SHPRH: variants seen among roughly 807,000 people sequenced by gnomAD.
SHPRH encodes E3 ubiquitin-protein ligase SHPRH.
In SHPRH, 106 loss-of-function variants were observed where a neutral mutation model predicts 202.5. The ratio of observed to expected loss-of-function variants is 0.52; its 90% CI spans 0.45 to 0.62. The LOEUF is 0.62. SHPRH is among the 20% of genes least tolerant of loss of function. The pLI is 0.00. For missense variants in SHPRH, 1,710 were observed against 2,020.0 expected (o/e 0.85, Z 2.94); for synonymous variants, 729 against 686.0 (o/e 1.06, Z -0.98).
At chr6:145,948,428 T>TG (rs1787624218) in intron 4 of SHPRH, 78 bp from the exon 5 acceptor site, 1 of 1,116,186 alleles carries the variant, frequency 9.0e-7, no homozygotes, top group Non-Finnish European at 1.3e-6. Flanking sequence ...AAGAATAGGT[T>TG]AACAGTGAGG....
chr6:145,886,110 G>A lies in SHPRH; in HGVS notation c.*581C>T. The A allele has an allele frequency of 5.3e-6, 1 of 187,864 alleles. No individual in the cohort carries two copies. The highest frequency in any genetic ancestry group is 1.1e-5 in the Non-Finnish European group (1 of 90,834). 11.6% of individuals were successfully genotyped at this position (187,864 alleles called of 1,614,324 possible). A position where few individuals can be genotyped will look rare whatever the true frequency, so the allele number is the denominator to read the frequency against. On this transcript the variant is annotated 3_prime_UTR_variant, in exon 30 of 30. Coordinates refer to ENST00000275233, the MANE Select transcript of SHPRH (RefSeq NM_001042683.3). ...TTTTTGTTTTCAGTAGCAAGATGCA[G>A]AAGAAACAAATAACTGTCTAACATT...
At position 145,884,923 on chromosome 6, in the gene SHPRH, G is replaced by A. The variant is rs1420792340; in HGVS notation, c.*1768C>T. 6.6e-6 allele frequency: 1 copy of A among 152,032 alleles called. No homozygotes were observed. Among genetic ancestry groups the A allele is most frequent in the African/African-American group, 2.4e-5 (1 of 41,414 alleles). The allele number at this position is 152,032 out of a possible 1,614,324, so 9.4% of individuals were successfully genotyped here. A position where few individuals can be genotyped will look rare whatever the true frequency, so the allele number is the denominator to read the frequency against. On this transcript the variant is annotated 3_prime_UTR_variant, in exon 30 of 30. Coordinates refer to ENST00000275233, the MANE Select transcript of SHPRH (RefSeq NM_001042683.3). ...ATATGTAATTTGATTTTACAAAATT[G>A]AAGCATATCAAATTGTTTTCTCTAA...
Position 145,943,477 on chromosome 6 carries a change from G to A in SHPRH, c.1904C>T (p.Ser635Phe), listed in dbSNP as rs1477040952. The A allele has an allele frequency of 3.1e-6, 5 of 1,613,858 alleles. No individual in the cohort carries two copies. Among genetic ancestry groups the A allele is most frequent in the Non-Finnish European group, 4.2e-6 (5 of 1,179,946 alleles). Residue 635 changes from serine (S) to phenylalanine (F), a missense_variant, in exon 9 of 30, where the codon TCT becomes TTT. Transcript: ENST00000275233. ...QEHETEDCAESLNHADSDVPP... is the reference protein window; with the variant it reads ...QEHETEDCAEFLNHADSDVPP... ...TACATCACTATCAGCATGATTTAGAGATTCAGCACAGTCCTCTGTTTCATG... is the reference window on the plus strand; with the variant it reads ...TACATCACTATCAGCATGATTTAGAAATTCAGCACAGTCCTCTGTTTCATG...
chr6:145,920,567 C>T (rs985448982), intron 21 of SHPRH, among the ~76,000 whole-genome samples: 2 of 88,894 alleles, frequency 2.2e-5, no homozygotes, highest in African/African-American at 1.0e-4. Flanking sequence ...ATAAAAATGT[C>T]ATTATAAAAA....
At chr6:145,904,997 A>C (rs1782829462) in intron 25 of SHPRH, 1 of 152,114 alleles carries the variant, frequency 6.6e-6, no homozygotes, top group Non-Finnish European at 1.5e-5. Flanking sequence ...TAAAATGAAC[A>C]GGTGTTTGGA....
chr6:145,955,961 A>T (rs1294229693), intron 1 of SHPRH, among the ~76,000 whole-genome samples: 1 of 152,132 alleles, frequency 6.6e-6, no homozygotes, highest in Non-Finnish European at 1.5e-5. Flanking sequence ...TAGATATACA[A>T]GTGACTCCTA....
chr6:145,909,576 G>A (rs928281917), intron 25 of SHPRH: 4 of 152,092 alleles, frequency 2.6e-5, no homozygotes, highest in Non-Finnish European at 4.4e-5. Context: ...ATTTCAACTT[G>A]TAGCTGATTC....
intron 13 of SHPRH, 103 bp from the exon 14 acceptor site, chr6:145,933,281 G>T: frequency 6.7e-7 from 1 of 1,488,344 alleles, no homozygotes; most frequent in Non-Finnish European, 9.0e-7. Flanking sequence ...GAGACTCGCA[G>T]TTTTTGTGGT....
rs1465505870 is a variant in SHPRH at position 145,926,973 on chromosome 6, G to A, written c.3201+216C>T. Among the ~76,000 whole-genome samples the A allele has an allele frequency of 2.0e-5, 3 of 151,862 alleles. No individual in the cohort carries two copies. The East Asian group carries it at 5.8e-4, about 29-fold the overall frequency. On this transcript the variant is annotated intron_variant, in intron 15 of 29. Coordinates refer to ENST00000275233, the MANE Select transcript of SHPRH (RefSeq NM_001042683.3). ...TAGCTTATATAGACTTACCTTGTCAGGCTTGTGCCCAAAACTTCCCTGAAT... is the reference window on the plus strand; with the variant it reads ...TAGCTTATATAGACTTACCTTGTCAAGCTTGTGCCCAAAACTTCCCTGAAT...
Position 145,945,559 on chromosome 6 carries a change from T to A in SHPRH, c.1400A>T (p.Tyr467Phe). ...ATCGTATCTATATATAGAACTGACA[T>A]ACTTATAGATGGAAAGGATGGACAC... Reference protein sequence around the residue: ...KGVSILSIYKYVSSIYRYDVQ... With the variant: ...KGVSILSIYKFVSSIYRYDVQ... Residue 467 changes from tyrosine to phenylalanine, a missense_variant, in exon 8 of 30, where the codon TAT becomes TTT. Physicochemically the swap from Tyr to Phe is conservative, Grantham distance 22 (BLOSUM62 3). This residue lies in a region of SHPRH where 348 missense variants were observed against 356.9 expected (regional missense o/e 0.97). Transcript: ENST00000275233. 1 of 1,613,050 alleles carries A rather than the reference T, an allele frequency of 6.2e-7. No individual in the cohort carries two copies. The highest frequency in any genetic ancestry group is 8.5e-7 in the Non-Finnish European group (1 of 1,179,502).
chr6:145,939,719 A>G (rs1409806297), intron 11 of SHPRH, among the ~76,000 whole-genome samples: 1 of 152,180 alleles, frequency 6.6e-6, no homozygotes, highest in African/African-American at 2.4e-5. Flanking sequence ...TATTCTATAA[A>G]TATGTATCTA....
intron 1 of SHPRH, among the ~76,000 whole-genome samples, chr6:145,960,898 A>T (rs1789021289): frequency 6.6e-6 from 1 of 152,108 alleles, no homozygotes; most frequent in Non-Finnish European, 1.5e-5. Flanking sequence ...GGGGTTGTTT[A>T]GGGATGAAAC....
chr6:145,878,215 C>A (rs1780391091), intron 2 of SHPRH, among the ~76,000 whole-genome samples: 1 of 152,170 alleles, frequency 6.6e-6, no homozygotes, highest in African/African-American at 2.4e-5. Context: ...TTCTCATATA[C>A]CCCTGCCTCC....
Position 145,885,849 on chromosome 6 carries a change from T to C in SHPRH, c.*842A>G, listed in dbSNP as rs1227961941. 6.6e-6 allele frequency: 1 copy of C among 151,092 alleles called. No individual in the cohort carries two copies. Among genetic ancestry groups the C allele is most frequent in the Non-Finnish European group, 1.5e-5 (1 of 67,790 alleles). The allele number at this position is 151,092 out of a possible 1,614,324, so 9.4% of individuals were successfully genotyped here. A position where few individuals can be genotyped will look rare whatever the true frequency, so the allele number is the denominator to read the frequency against. Reference sequence around the variant, plus strand: ...ATCCAAGACATCAGTATAATAATGATTAAAAAAAAAACCCTGCCATATTTC... The same window carrying C: ...ATCCAAGACATCAGTATAATAATGACTAAAAAAAAAACCCTGCCATATTTC... On this transcript the variant is annotated 3_prime_UTR_variant, in exon 30 of 30. Coordinates refer to ENST00000275233, the MANE Select transcript of SHPRH (RefSeq NM_001042683.3).
chr6:145,913,616 G>A (rs1368330891), intron 23 of SHPRH, 67 bp from the exon 24 acceptor site: 2 of 1,344,822 alleles, frequency 1.5e-6, no homozygotes, highest in African/African-American at 3.0e-5. Context: ...TATATGTTTT[G>A]CAACTCATTT....
At chr6:145,957,052 C>G (rs1466760797) in intron 1 of SHPRH, among the ~76,000 whole-genome samples, 2 of 151,952 alleles carry the variant, frequency 1.3e-5, no homozygotes, top group Non-Finnish European at 2.9e-5. Context: ...ACATATAGAT[C>G]AAGGGAAATG....
chr6:145,948,535 T>G (rs1787638933), intron 4 of SHPRH, among the ~76,000 whole-genome samples, 185 bp from the exon 5 acceptor site: 1 of 152,034 alleles, frequency 6.6e-6, no homozygotes, highest in Non-Finnish European at 1.5e-5. Context: ...TCCCTCTATT[T>G]CCTTTCTTCT....
chr6:145,873,911 T>G (rs1227586996), intron 2 of SHPRH, among the ~76,000 whole-genome samples: 5 of 152,064 alleles, frequency 3.3e-5, no homozygotes, highest in Non-Finnish European at 7.4e-5. Flanking sequence ...TCAAAATGTG[T>G]GGGCAGGCTG....
Position 145,868,591 on chromosome 6 carries a change from C to T in SHPRH, c.222-4100G>A, listed in dbSNP as rs117826111. Among the ~76,000 whole-genome samples the T allele has an allele frequency of 6.6e-5, 10 of 152,194 alleles. No individual in the cohort carries two copies. In the South Asian group the frequency reaches 1.0e-3, roughly 16 times the overall value. ...AGATGAGGTTATCAGTGTTAAGGTA[C>T]GACACAGGAAGACAGTCAATGAAAA... On this transcript the variant is annotated intron_variant, in intron 2 of 2. Coordinates refer to the SHPRH transcript ENST00000417762.
Sources: allele counts gnomAD v4.1 joint callset (sites outside exome capture counted in the v4.1 genomes callset), GRCh38; gene constraint gnomAD v4.1.1; regional missense constraint gnomAD v4.1.1; transcripts MANE v1.5; gene names NCBI Gene and HGNC (gene_info 2026-07-23, HGNC 2026-07-21).